The following DAAM2 variants were observed in gnomAD, a reference collection of about 807,000 sequenced individuals.
The protein encoded by DAAM2 is disheveled-associated activator of morphogenesis 2.
Under a neutral mutation model 120.7 loss-of-function variants are expected in DAAM2, and 39 were observed. That is an observed-to-expected ratio of 0.32 (90% confidence interval 0.25 to 0.42). The LOEUF (loss-of-function observed/expected upper bound fraction) is 0.42, where lower values mean the gene tolerates loss of function less well. DAAM2 is among the 10% of genes least tolerant of loss of function. The probability of loss-of-function intolerance (pLI) is 1.00; values close to 1 mark genes in which losing one functional copy is unlikely to be tolerated. For missense variants in DAAM2, 1,283 were observed against 1,401.7 expected (o/e 0.92, Z 1.35); for synonymous variants, 488 against 524.9 (o/e 0.93, Z 0.96).
At position 39,867,595 on chromosome 6, in the gene DAAM2, C is replaced by A; in HGVS notation, c.514C>A (p.Arg172Ser). The change falls in exon 6 of 25, where the codon CGC becomes AGC. Residue 172 changes from arginine to serine, a missense_variant. Arg to Ser is a moderately radical substitution (Grantham distance 110). Around this residue, in one of 3 missense-constraint regions of DAAM2, gnomAD observed 338 missense variants for 443.9 expected, o/e 0.76. Coordinates refer to ENST00000274867, the MANE Select transcript of DAAM2 (RefSeq NM_001201427.2). Reference protein sequence around the residue: ...RSMDHATCESRIHTSLIGCIK... With the variant: ...RSMDHATCESSIHTSLIGCIK... The stretch of plus-strand genomic sequence containing the variant: ...CATGGACCACGCCACCTGTGAGAGC[C>A]GCATCCACACCTCACTCATTGGCTG... 6.2e-7 allele frequency: 1 copy of A among 1,614,034 alleles called. No homozygotes were observed. Among genetic ancestry groups the A allele is most frequent in the Non-Finnish European group, 8.5e-7 (1 of 1,179,906 alleles).
At chr6:39,798,005 T>C (rs1199144808) in intron 1 of DAAM2, among the ~76,000 whole-genome samples, 1 of 152,206 alleles carries the variant, frequency 6.6e-6, no homozygotes, top group Non-Finnish European at 1.5e-5. Context: ...GCTGCTTTCG[T>C]GCTGCAATGG....
chr6:39,883,437 T>A (rs1765226755), intron 14 of DAAM2: 1 of 152,664 alleles, frequency 6.6e-6, no homozygotes, highest in Non-Finnish European at 1.5e-5. Flanking sequence ...TTTCTGAGAA[T>A]CTGGGAAAGT....
Position 39,896,842 on chromosome 6 carries a change from G to A in DAAM2, c.2372G>A (p.Arg791His), listed in dbSNP as rs368057856. Residue 791 changes from arginine to histidine, a missense_variant, in exon 20 of 25, where the codon CGC becomes CAC. By Grantham distance (29) the Arg-to-His change is conservative. Transcript: ENST00000274867. Reference sequence around the variant, plus strand: ...CTGTTGGCCTCCCGGGAGCTGGTCCGCAGCAAGCGTCTTAGACAGATGCTA... The same window carrying A: ...CTGTTGGCCTCCCGGGAGCTGGTCCACAGCAAGCGTCTTAGACAGATGCTA... ...AILLASRELV[R>H]SKRLRQMLEV... 546 of 1,606,956 alleles carry A rather than the reference G, an allele frequency of 3.4e-4. No homozygotes were observed. Among genetic ancestry groups the A allele is most frequent in the Non-Finnish European group, 4.2e-4 (494 of 1,176,088 alleles).
chr6:39,803,585 T>C (rs1481053453), intron 1 of DAAM2, among the ~76,000 whole-genome samples: 1 of 152,182 alleles, frequency 6.6e-6, no homozygotes, highest in Non-Finnish European at 1.5e-5. Flanking sequence ...CTTGAGAGAC[T>C]TGCCTAAGAT....
chr6:39,885,382 TG>T (rs11351001), intron 15 of DAAM2: 85,208 of 151,930 alleles, frequency 0.56, 24,319 homozygotes, highest in East Asian at 0.78. Context: ...TCTCCACGAG[TG>T]GGGTTGAGGA....
chr6:39,832,413 CCCA>C (rs1366990925), intron 1 of DAAM2, among the ~76,000 whole-genome samples: 1 of 150,448 alleles, frequency 6.6e-6, no homozygotes, highest in Non-Finnish European at 1.5e-5. Context: ...CTGGGAATAA[CCCA>C]CTTAGTGGTG....
intron 1 of DAAM2, among the ~76,000 whole-genome samples, chr6:39,797,135 C>A (rs1194318260): frequency 2.0e-5 from 3 of 152,108 alleles, no homozygotes; most frequent in Non-Finnish European, 4.4e-5. Flanking sequence ...CCCCATGTGA[C>A]CCTCTATTGG....
chr6:39,801,822 A>G (rs932335470), intron 1 of DAAM2, among the ~76,000 whole-genome samples: 25 of 151,800 alleles, frequency 1.6e-4, no homozygotes, highest in African/African-American at 5.8e-4. Context: ...CAGTGTTAAC[A>G]CTCCCTTCCT....
intron 1 of DAAM2, among the ~76,000 whole-genome samples, chr6:39,851,858 A>G (rs1763818818): frequency 6.6e-6 from 1 of 152,226 alleles, no homozygotes. Context: ...AGAGAGACTA[A>G]CACCATGGCC....
At chr6:39,835,906 A>G (rs558332096) in intron 1 of DAAM2, among the ~76,000 whole-genome samples, 1 of 152,020 alleles carries the variant, frequency 6.6e-6, no homozygotes, top group Admixed American at 6.5e-5. Context: ...CTTCCCCCTT[A>G]TATTCTGCTT....
chr6:39,876,788 CTCTGT>C (rs1368931694), intron 11 of DAAM2, among the ~76,000 whole-genome samples: 1 of 151,978 alleles, frequency 6.6e-6, no homozygotes, highest in African/African-American at 2.4e-5. Context: ...GCCTTCTTTT[CTCTGT>C]TCTATTTACC....
In DAAM2 at chr6:39,901,557, G is replaced by A; in HGVS notation, c.2982+85G>A. On this transcript the variant is annotated intron_variant, in intron 24 of 24. Coordinates refer to ENST00000274867, the MANE Select transcript of DAAM2 (RefSeq NM_001201427.2). The surrounding 1 kb of genome is among the most constrained non-coding windows in gnomAD (Gnocchi z 4.5). ...CCCCAAACTGGGGTGTGTGGGAGGA[G>A]GGCAGAGACTGAGGAACTGAGGAAC... 6.9e-7 allele frequency: 1 copy of A among 1,442,560 alleles called. No homozygotes were observed. The highest frequency in any genetic ancestry group is 1.4e-5 in the African/African-American group (1 of 71,216). The allele number at this position is 1,442,560 out of a possible 1,614,324, so 89.4% of individuals were successfully genotyped here.
rs774443083 is a variant in DAAM2, at chr6:39,904,330, G to C, written c.*2293G>C. 8.8e-6 allele frequency: 4 copies of C among 456,706 alleles called. No individual in the cohort carries two copies. The highest frequency in any genetic ancestry group is 6.5e-4 in the Middle Eastern group (2 of 3,068). 28.3% of individuals were successfully genotyped at this position (456,706 alleles called of 1,614,324 possible). A position where few individuals can be genotyped will look rare whatever the true frequency, so the allele number is the denominator to read the frequency against. ...AGTGGCTCTGGTGCTAGATGCCACT[G>C]TAGCCAGATCTCCAACAGTGCCTTG... On this transcript the variant is annotated 3_prime_UTR_variant, in exon 25 of 25. Transcript: ENST00000274867.
intron 9 of DAAM2, among the ~76,000 whole-genome samples, chr6:39,871,804 C>G (rs1284014333): frequency 6.6e-6 from 1 of 152,170 alleles, no homozygotes; most frequent in African/African-American, 2.4e-5. Flanking sequence ...CGAATTGGCT[C>G]ACGCAACTAT....
At chr6:39,818,472 G>A (rs1026687637) in intron 1 of DAAM2, among the ~76,000 whole-genome samples, 3 of 152,146 alleles carry the variant, frequency 2.0e-5, no homozygotes, top group Non-Finnish European at 2.9e-5. Context: ...GTATTTTGAC[G>A]TTAATGCATT....
Position 39,888,740 on chromosome 6 carries a change from C to T in DAAM2, c.2122C>T (p.Leu708Phe). Residue 708 changes from leucine to phenylalanine, a missense_variant, in exon 17 of 25, where the codon CTT (leucine) becomes TTT (phenylalanine). By Grantham distance (22) the Leu-to-Phe change is conservative. Around this residue, in one of 3 missense-constraint regions of DAAM2, gnomAD observed 748 missense variants for 768.6 expected, o/e 0.97. Transcript: ENST00000274867. ...AILKMDEQED[L>F]AKDMLEQLLK... Reference sequence around the variant, plus strand: ...CTTGAAGATGGATGAGCAGGAGGACCTTGCTAAGGACATGCTGGAGCAGGT... The same window carrying T: ...CTTGAAGATGGATGAGCAGGAGGACTTTGCTAAGGACATGCTGGAGCAGGT... The T allele has an allele frequency of 6.2e-7, 1 of 1,612,950 alleles. No individual in the cohort carries two copies. The highest frequency in any genetic ancestry group is 1.1e-5 in the South Asian group (1 of 90,978).
intron 1 of DAAM2, among the ~76,000 whole-genome samples, chr6:39,814,895 A>G (rs1458525529): frequency 1.3e-5 from 2 of 152,288 alleles, no homozygotes; most frequent in African/African-American, 4.8e-5. Flanking sequence ...CATTCTCTTC[A>G]GTATTAGCCT....
In DAAM2 at chr6:39,839,253, G is replaced by T. The variant is rs537437622; in HGVS notation, c.-56-16994G>T. 4.6e-5 allele frequency among the ~76,000 whole-genome samples: 7 copies of T among 152,280 alleles called. No individual in the cohort carries two copies. The South Asian group carries it at 1.5e-3, about 32-fold the overall frequency. ...GGCGAAAAAAGAGGAAAGAGAAACG[G>T]CAGTAAATTAAACTGCCTGCATCCA... On this transcript the variant is annotated intron_variant, in intron 1 of 24. Transcript: ENST00000274867.
rs763930654 is a variant in DAAM2, at chr6:39,898,915, G to C, written c.2657G>C (p.Arg886Thr). 3 of 1,612,612 alleles carry C rather than the reference G, an allele frequency of 1.9e-6. No individual in the cohort carries two copies. In the South Asian group the frequency reaches 3.3e-5, roughly 18 times the overall value. The change falls in exon 22 of 25, where the codon AGG becomes ACG. Residue 886 changes from arginine (R) to threonine (T), a missense_variant. By Grantham distance (71) the Arg-to-Thr change is moderately conservative. Around this residue, in one of 3 missense-constraint regions of DAAM2, gnomAD observed 748 missense variants for 768.6 expected, o/e 0.97. Transcript: ENST00000274867. Reference protein sequence around the residue: ...ELEKEVGNLRRGLRAVEVELE... With the variant: ...ELEKEVGNLRTGLRAVEVELE... ...GAGAAGGAGGTGGGCAACCTCAGGA[G>C]GGGCCTGAGAGCGGTGGAGGTGGTG...
Sources: allele counts gnomAD v4.1 joint callset (sites outside exome capture counted in the v4.1 genomes callset), GRCh38; gene constraint gnomAD v4.1.1; regional missense constraint gnomAD v4.1.1; non-coding constraint Gnocchi (gnomAD v3.1); transcripts MANE v1.5; gene names NCBI Gene and HGNC (gene_info 2026-07-23, HGNC 2026-07-21).